Variants in ARMC2 observed in about 807,000 individuals in gnomAD.
ARMC2 encodes the protein armadillo repeat-containing protein 2.
Under a neutral mutation model 90.3 loss-of-function variants are expected in ARMC2, and 67 were observed. That is an observed-to-expected ratio of 0.74 (90% CI 0.61 to 0.91). The LOEUF is 0.91. Among genes scored for constraint, ARMC2 ranks in the 40% least tolerant of loss-of-function variants. The pLI, the probability that ARMC2 is intolerant of heterozygous loss-of-function variation, is 0.00. For synonymous variants in ARMC2, 393 were observed against 393.0 expected, an observed-to-expected ratio of 1.00 and a Z score of 0.00; for missense variants, 920 against 1,030.9, an observed-to-expected ratio of 0.89 and a Z score of 1.47.
chr6:108,920,822 C>T (rs1325925119), intron 10 of ARMC2, among the ~76,000 whole-genome samples: 1 of 152,088 alleles, frequency 6.6e-6, no homozygotes, highest in Non-Finnish European at 1.5e-5. Flanking sequence ...CAGCTCACTT[C>T]TAAAAGAGGA....
At chr6:108,984,893 G>C in the ARMC2 span, among the ~76,000 whole-genome samples, 1 of 152,038 alleles carries the variant, frequency 6.6e-6, no homozygotes, top group Admixed American at 6.6e-5. Context: ...TTGCCTAAAT[G>C]CTGCAGTTTC....
chr6:108,870,424 AGCCTGTGCCATTCACTT>A (rs1776262039), intron 4 of ARMC2, among the ~76,000 whole-genome samples: 1 of 152,042 alleles, frequency 6.6e-6, no homozygotes, highest in Admixed American at 6.6e-5. Context: ...CCATGTCCCC[AGCCTGTGCCATTCACTT>A]GCCTGTGTGG....
the ARMC2 span, chr6:108,999,195 T>C: frequency 6.5e-6 from 1 of 153,404 alleles, no homozygotes; most frequent in Non-Finnish European, 1.5e-5. Flanking sequence ...GATAGTGGCT[T>C]GAACAACTTG....
At chr6:108,924,301 T>G (rs895656536) in intron 10 of ARMC2, among the ~76,000 whole-genome samples, 1 of 151,902 alleles carries the variant, frequency 6.6e-6, no homozygotes, top group Non-Finnish European at 1.5e-5. Flanking sequence ...GCGGATCACT[T>G]GAGGTCAGGA....
At chr6:108,970,617 C>T (rs1227321962) in intron 17 of ARMC2, among the ~76,000 whole-genome samples, 2 of 150,828 alleles carry the variant, frequency 1.3e-5, no homozygotes, top group Non-Finnish European at 2.9e-5. Context: ...CCTGCCTCAG[C>T]CTCCCAAGTA....
chr6:109,019,875 CTTTAG>C, the ARMC2 span, among the ~76,000 whole-genome samples: 1 of 152,144 alleles, frequency 6.6e-6, no homozygotes, highest in Non-Finnish European at 1.5e-5. Context: ...AACTACAGTA[CTTTAG>C]TTTGTAGATC....
chr6:109,037,110 G>A, the ARMC2 span, among the ~76,000 whole-genome samples: 1 of 152,100 alleles, frequency 6.6e-6, no homozygotes, highest in Non-Finnish European at 1.5e-5. Flanking sequence ...AAGTAGTAAA[G>A]ACAATCTTTC....
the ARMC2 span, chr6:109,009,014 T>G: frequency 2.9e-6 from 3 of 1,026,378 alleles, no homozygotes; most frequent in Non-Finnish European, 3.5e-6. Context: ...GTCTGCTGGA[T>G]TTCTGACTTG....
chr6:109,050,388 T>TAAAA, the ARMC2 span, among the ~76,000 whole-genome samples: 8 of 134,106 alleles, frequency 6.0e-5, no homozygotes, highest in African/African-American at 2.2e-4. Context: ...TTTAAATTGT[T>TAAAA]AAAAAAAAAA....
intron 5 of ARMC2, among the ~76,000 whole-genome samples, chr6:108,887,837 C>G (rs1195322527): frequency 6.6e-6 from 1 of 152,080 alleles, no homozygotes; most frequent in African/African-American, 2.4e-5. Flanking sequence ...CTAGGAAGAA[C>G]AATTTTGCTG....
chr6:109,040,278 A>T, the ARMC2 span, among the ~76,000 whole-genome samples: 2 of 152,108 alleles, frequency 1.3e-5, no homozygotes, highest in Non-Finnish European at 2.9e-5. Flanking sequence ...ATTCCTTTTT[A>T]TTATATTTAA....
the ARMC2 span, among the ~76,000 whole-genome samples, chr6:109,013,269 A>G: frequency 6.6e-6 from 1 of 152,156 alleles, no homozygotes; most frequent in Admixed American, 6.5e-5. Context: ...GGGCAAAACT[A>G]GGGGCAAGGA....
chr6:108,935,474 C>T (rs549454075), intron 11 of ARMC2, among the ~76,000 whole-genome samples: 2 of 152,166 alleles, frequency 1.3e-5, no homozygotes, highest in Admixed American at 6.5e-5. Flanking sequence ...CAAGGTCTCA[C>T]TCTGTCACCC....
chr6:108,980,886 T>C, the ARMC2 span, among the ~76,000 whole-genome samples: 2 of 152,138 alleles, frequency 1.3e-5, no homozygotes, highest in African/African-American at 4.8e-5. Flanking sequence ...CAAGACTGTC[T>C]CAAAAAAACA....
chr6:108,935,061 T>A (rs1775849694), intron 11 of ARMC2, among the ~76,000 whole-genome samples: 1 of 152,202 alleles, frequency 6.6e-6, no homozygotes, highest in African/African-American at 2.4e-5. Flanking sequence ...GTCATAGAGC[T>A]GCAGTTGAAA....
chr6:108,938,714 T>G (rs1194363078), intron 12 of ARMC2, among the ~76,000 whole-genome samples: 1 of 141,064 alleles, frequency 7.1e-6, no homozygotes, highest in African/African-American at 2.6e-5. Context: ...CAAAAGAAAA[T>G]ACTTCTGTTT....
chr6:108,985,174 C>T, the ARMC2 span, among the ~76,000 whole-genome samples: 23 of 151,954 alleles, frequency 1.5e-4, no homozygotes, highest in Non-Finnish European at 2.6e-4. Context: ...AGTGCTTATC[C>T]AACAAGTTTT....
chr6:108,912,499 A>C lies in ARMC2; in HGVS notation c.1291A>C (p.Asn431His). Reference sequence around the variant, plus strand: ...ACTGATAAATTTGATAAAACAAATAAATGAGAACATCAAGAAATGTGGTAC... The same window carrying C: ...ACTGATAAATTTGATAAAACAAATACATGAGAACATCAAGAAATGTGGTAC... The part of the protein sequence containing the change: ...EILINLIKQI[N>H]ENIKKCGTFL... Residue 431 changes from asparagine to histidine, a missense_variant, in exon 10 of 18, where the codon AAT (asparagine) becomes CAT (histidine). Asn to His is a moderately conservative substitution (Grantham distance 68). Coordinates refer to ENST00000392644, the MANE Select transcript of ARMC2 (RefSeq NM_032131.6). 2 of 1,614,050 alleles carry C rather than the reference A, an allele frequency of 1.2e-6. No individual in the cohort carries two copies. Among genetic ancestry groups the C allele is most frequent in the South Asian group, 2.2e-5 (2 of 91,082 alleles).
At chr6:109,028,282 C>T in the ARMC2 span, among the ~76,000 whole-genome samples, 8 of 152,148 alleles carry the variant, frequency 5.3e-5, no homozygotes, top group Non-Finnish European at 7.3e-5. Context: ...AGGGCATTCA[C>T]TTTTTAAATA....
Sources: allele counts gnomAD v4.1 joint callset (sites outside exome capture counted in the v4.1 genomes callset), GRCh38; gene constraint gnomAD v4.1.1; transcripts MANE v1.5; gene names NCBI Gene and HGNC (gene_info 2026-07-23, HGNC 2026-07-21).